SENP7: variants seen among roughly 807,000 people sequenced by gnomAD.
SENP7 encodes sentrin-specific protease 7.
SENP7 carries 64 observed loss-of-function variants against 141.2 expected under a neutral mutation model. The observed-to-expected ratio is 0.45, with a 90% confidence interval of 0.37 to 0.56. The LOEUF is 0.56. Ranked by LOEUF, SENP7 falls within the 20% of genes least tolerant of loss-of-function variation. The pLI, the probability that SENP7 is intolerant of heterozygous loss-of-function variation, is 0.00. For synonymous variants in SENP7, 382 were observed against 426.4 expected, an observed-to-expected ratio of 0.90 and a Z score of 1.28; for missense variants, 1,025 against 1,212.2, an observed-to-expected ratio of 0.85 and a Z score of 2.29.
At chr3:101,488,841 G>A (rs142395861) in intron 3 of SENP7, among the ~76,000 whole-genome samples, 126 of 152,178 alleles carry the variant, frequency 8.3e-4, no homozygotes, top group Non-Finnish European at 1.4e-3. Flanking sequence ...CCTTGCCTGC[G>A]CCAAGGCACA....
chr3:101,478,481 T>C (rs1231726523), intron 3 of SENP7, among the ~76,000 whole-genome samples: 5 of 152,114 alleles, frequency 3.3e-5, no homozygotes, highest in Admixed American at 6.6e-5. Context: ...AGAATGATCA[T>C]GCCACTGTAC....
Position 101,366,595 on chromosome 3 carries a change from C to A in SENP7, c.1153G>T (p.Ala385Ser). Residue 385 changes from alanine to serine, a missense_variant, in exon 9 of 24, where the codon GCC becomes TCC. Transcript: ENST00000394095. The stretch of plus-strand genomic sequence containing the variant: ...GTTTCAGTGGTTGAACCGGCAGAGG[C>A]ACTTTTGGTGGCATTACTCAAAGTC... ...ELTLSNATKS[A>S]SAGSTTETVE... 1 of 1,613,862 alleles carries A rather than the reference C, an allele frequency of 6.2e-7. No individual in the cohort carries two copies.
chr3:101,363,410 G>T (rs2059952006), intron 10 of SENP7, among the ~76,000 whole-genome samples: 1 of 152,182 alleles, frequency 6.6e-6, no homozygotes, highest in South Asian at 2.1e-4. Flanking sequence ...ACAAGAGAGA[G>T]CATAGAGATG....
intron 3 of SENP7, among the ~76,000 whole-genome samples, chr3:101,466,059 T>TA (rs2063748419): frequency 6.6e-6 from 1 of 151,966 alleles, no homozygotes; most frequent in Admixed American, 6.6e-5. Flanking sequence ...AACAGATTTT[T>TA]AAAAAAATAA....
intron 16 of SENP7, among the ~76,000 whole-genome samples, chr3:101,339,726 A>C (rs1576001206): frequency 6.6e-6 from 1 of 152,162 alleles, no homozygotes; most frequent in South Asian, 2.1e-4. Flanking sequence ...CTCAAACAAA[A>C]AAAAAAAGAT....
intron 19 of SENP7, among the ~76,000 whole-genome samples, chr3:101,331,500 G>A (rs1027586567): frequency 2.1e-5 from 3 of 145,308 alleles, no homozygotes; most frequent in Non-Finnish European, 3.0e-5. Flanking sequence ...GTTGTACATA[G>A]TAAATACATG....
chr3:101,410,292 G>A (rs189711618), intron 5 of SENP7, among the ~76,000 whole-genome samples: 63 of 152,226 alleles, frequency 4.1e-4, no homozygotes, highest in Middle Eastern at 3.4e-3. Flanking sequence ...TGTTGGCATG[G>A]ATGTGATGAA....
chr3:101,374,446 T>C (rs1461376855), intron 6 of SENP7, among the ~76,000 whole-genome samples: 1 of 152,132 alleles, frequency 6.6e-6, no homozygotes, highest in Non-Finnish European at 1.5e-5. Context: ...CAAAGATAAA[T>C]TGGAGTTCAT....
chr3:101,374,221 A>G (rs2060256409), intron 6 of SENP7, among the ~76,000 whole-genome samples: 2 of 152,190 alleles, frequency 1.3e-5, no homozygotes. Context: ...AGTCTTTTCA[A>G]TAAAGGGTGC....
At chr3:101,498,983 C>G (rs1380769704) in intron 2 of SENP7, among the ~76,000 whole-genome samples, 1 of 152,170 alleles carries the variant, frequency 6.6e-6, no homozygotes, top group Non-Finnish European at 1.5e-5. Flanking sequence ...TGGTGCCAAA[C>G]AGGTTGGGGA....
chr3:101,365,422 G>C (rs943524208), intron 9 of SENP7, among the ~76,000 whole-genome samples: 2 of 151,626 alleles, frequency 1.3e-5, no homozygotes, highest in Non-Finnish European at 1.5e-5. Flanking sequence ...GATTCCCTGA[G>C]GTCAGGAGTT....
chr3:101,444,355 C>T (rs2062800647), intron 4 of SENP7, among the ~76,000 whole-genome samples: 1 of 151,770 alleles, frequency 6.6e-6, no homozygotes, highest in African/African-American at 2.4e-5. Context: ...GGATCTAGAA[C>T]TAGAAATACC....
At chr3:101,422,064 GC>G (rs1281008002) in intron 4 of SENP7, among the ~76,000 whole-genome samples, 24 of 152,282 alleles carry the variant, frequency 1.6e-4, no homozygotes, top group African/African-American at 5.8e-4. Context: ...GGGTGAGCGA[GC>G]ATTACCGCCT....
At chr3:101,394,819 TTG>T (rs925294015) in intron 6 of SENP7, among the ~76,000 whole-genome samples, 6 of 152,220 alleles carry the variant, frequency 3.9e-5, no homozygotes, top group Non-Finnish European at 8.8e-5. Flanking sequence ...CTGCTATTCT[TTG>T]TCTTTCTAAC....
chr3:101,452,898 C>A (rs550449001), intron 4 of SENP7, among the ~76,000 whole-genome samples: 1 of 152,230 alleles, frequency 6.6e-6, no homozygotes, highest in East Asian at 1.9e-4. Flanking sequence ...TTCTTTACAG[C>A]AAAAGAAACT....
chr3:101,417,559 G>T (rs376455513), intron 5 of SENP7, 34 bp downstream of exon 5: 2 of 1,512,516 alleles, frequency 1.3e-6, no homozygotes, highest in Non-Finnish European at 9.2e-7. Context: ...TTCAAATGTG[G>T]TAAGTTGAAC....
At chr3:101,475,709 G>C (rs1261053917) in intron 3 of SENP7, among the ~76,000 whole-genome samples, 2 of 151,402 alleles carry the variant, frequency 1.3e-5, no homozygotes, top group African/African-American at 4.9e-5. Flanking sequence ...AAATAAAATT[G>C]AAGGAAAAAA....
intron 4 of SENP7, among the ~76,000 whole-genome samples, chr3:101,450,441 A>G (rs2063084337): frequency 6.6e-6 from 1 of 152,232 alleles, no homozygotes; most frequent in Admixed American, 6.5e-5. Context: ...CACTTATTCC[A>G]AAATTGATCA....
intron 14 of SENP7, among the ~76,000 whole-genome samples, chr3:101,342,647 C>G (rs749274208): frequency 1.3e-5 from 2 of 151,104 alleles, no homozygotes; most frequent in Non-Finnish European, 2.9e-5. Flanking sequence ...ATTCCTTAGT[C>G]TTTCCTTGTT....
Sources: allele counts gnomAD v4.1 joint callset (sites outside exome capture counted in the v4.1 genomes callset), GRCh38; gene constraint gnomAD v4.1.1; transcripts MANE v1.5; gene names NCBI Gene and HGNC (gene_info 2026-07-23, HGNC 2026-07-21).